PTPRQ: variants seen among roughly 807,000 people sequenced by gnomAD.
PTPRQ encodes protein tyrosine phosphatase receptor type Q.
A neutral mutation model predicts 246.0 loss-of-function variants in PTPRQ; 199 were observed. That is an observed-to-expected ratio of 0.81 (90% CI 0.72 to 0.91). The LOEUF is 0.91. Among genes scored for constraint, PTPRQ ranks in the 40% least tolerant of loss-of-function variants. The pLI is 0.00. For missense variants in PTPRQ, 2,624 were observed against 2,528.4 expected (o/e 1.04, Z -0.81); for synonymous variants, 869 against 853.2 (o/e 1.02, Z -0.32).
chr12:80,563,703 A>G (rs1896895300), intron 25 of PTPRQ, among the ~76,000 whole-genome samples: 2 of 152,058 alleles, frequency 1.3e-5, no homozygotes, highest in Admixed American at 1.3e-4. Flanking sequence ...CTCCCTACTA[A>G]GTCTCCACTG....
intron 25 of PTPRQ, among the ~76,000 whole-genome samples, chr12:80,559,502 T>A (rs1410440129): frequency 6.6e-6 from 1 of 152,244 alleles, no homozygotes; most frequent in Admixed American, 6.5e-5. Flanking sequence ...TCTCCTCCAT[T>A]GAATTGCTTT....
chr12:80,666,762 C>A (rs936500866), intron 39 of PTPRQ, among the ~76,000 whole-genome samples: 3 of 151,894 alleles, frequency 2.0e-5, no homozygotes, highest in Non-Finnish European at 2.9e-5. Flanking sequence ...CCTTTGGAGT[C>A]GTTATTGATT....
At chr12:80,575,700 G>T (rs1897261341) in intron 25 of PTPRQ, among the ~76,000 whole-genome samples, 1 of 151,760 alleles carries the variant, frequency 6.6e-6, no homozygotes, top group Non-Finnish European at 1.5e-5. Flanking sequence ...TTAGTCAGGT[G>T]TGGTGGCACA....
At chr12:80,655,143 A>G (rs569208813) in intron 38 of PTPRQ, among the ~76,000 whole-genome samples, 101 of 152,258 alleles carry the variant, frequency 6.6e-4, no homozygotes, top group Non-Finnish European at 1.2e-3. Context: ...AAACAATCTT[A>G]AAGTAATAAA....
At chr12:80,452,192 C>T (rs1195138404) in intron 3 of PTPRQ, among the ~76,000 whole-genome samples, 1 of 141,904 alleles carries the variant, frequency 7.0e-6, no homozygotes, top group Non-Finnish European at 1.5e-5. Flanking sequence ...GCAACCCCTG[C>T]CTTTGTTTGT....
intron 39 of PTPRQ, among the ~76,000 whole-genome samples, chr12:80,664,582 T>C (rs559679333): frequency 1.3e-5 from 2 of 152,194 alleles, no homozygotes; most frequent in South Asian, 4.1e-4. Context: ...TATCTTGATA[T>C]TATAGGTTTC....
chr12:80,446,629 G>A (rs1892562563), intron 3 of PTPRQ, among the ~76,000 whole-genome samples: 1 of 151,682 alleles, frequency 6.6e-6, no homozygotes, highest in South Asian at 2.1e-4. Flanking sequence ...TATTTCCATT[G>A]TTATGCCCAT....
At chr12:80,666,566 C>T (rs1049426371) in intron 39 of PTPRQ, among the ~76,000 whole-genome samples, 1 of 151,800 alleles carries the variant, frequency 6.6e-6, no homozygotes, top group Non-Finnish European at 1.5e-5. Flanking sequence ...ATTTGATGTT[C>T]CCAACATAAA....
At chr12:80,452,772 G>A (rs867386844) in intron 3 of PTPRQ, among the ~76,000 whole-genome samples, 7 of 152,112 alleles carry the variant, frequency 4.6e-5, no homozygotes, top group East Asian at 1.9e-4. Flanking sequence ...TGGGTAACCC[G>A]ACCTTTCTCT....
In PTPRQ at chr12:80,542,318, A is replaced by G; in HGVS notation, c.3675A>G (p.Lys1225=). The G allele has an allele frequency of 1.3e-6, 2 of 1,549,184 alleles. No individual in the cohort carries two copies. The highest frequency in any genetic ancestry group is 2.4e-5 in the South Asian group (2 of 83,310). ...TTTTTGCTGCCGCAAGAACTAGAAA[A>G]GGACTTGGTCCTTCCAGTATTCTTT... ...YSFFAAARTR[K]GLGPSSILFF... Residue 1225 remains lysine, a synonymous_variant, in exon 22 of 45, where the codon AAA becomes AAG. Transcript: ENST00000644991.
intron 27 of PTPRQ, among the ~76,000 whole-genome samples, chr12:80,608,221 T>C (rs1592711980): frequency 6.6e-6 from 1 of 150,576 alleles, no homozygotes; most frequent in Non-Finnish European, 1.5e-5. Context: ...AAGTAACACT[T>C]CAAAAATGAT....
chr12:80,583,508 G>T (rs370072418), intron 25 of PTPRQ, among the ~76,000 whole-genome samples: 1 of 152,046 alleles, frequency 6.6e-6, no homozygotes, highest in African/African-American at 2.4e-5. Context: ...AATAATGCAG[G>T]CTATACAAAC....
At chr12:80,646,737 G>A (rs73351601) in intron 35 of PTPRQ, among the ~76,000 whole-genome samples, 11 of 151,736 alleles carry the variant, frequency 7.2e-5, no homozygotes, top group East Asian at 1.9e-4. Context: ...ATAAATTTAC[G>A]ATGATGTATT....
At chr12:80,454,506 T>C (rs1892904603) in intron 3 of PTPRQ, 1 of 702,492 alleles carries the variant, frequency 1.4e-6, no homozygotes, top group Non-Finnish European at 2.6e-6. Flanking sequence ...AGTACTGTGT[T>C]CAATAGGATT....
At chr12:80,671,156 A>C (rs1185787998) in intron 42 of PTPRQ, among the ~76,000 whole-genome samples, 1 of 152,058 alleles carries the variant, frequency 6.6e-6, no homozygotes, top group Non-Finnish European at 1.5e-5. Context: ...ATTTTCCATA[A>C]ATTTCTGGAT....
intron 42 of PTPRQ, among the ~76,000 whole-genome samples, chr12:80,670,847 C>T (rs143527771): frequency 6.3e-4 from 96 of 152,032 alleles, no homozygotes; most frequent in African/African-American, 2.1e-3. Context: ...TGGGTACAGA[C>T]CTTCTATTTG....
intron 26 of PTPRQ, among the ~76,000 whole-genome samples, chr12:80,593,914 C>G (rs568919830): frequency 6.6e-6 from 1 of 151,612 alleles, no homozygotes; most frequent in Non-Finnish European, 1.5e-5. Context: ...CTATAGACCA[C>G]CAAGACTGGA....
intron 27 of PTPRQ, among the ~76,000 whole-genome samples, chr12:80,605,941 A>T (rs1481574098): frequency 1.3e-5 from 2 of 151,066 alleles, no homozygotes; most frequent in Non-Finnish European, 3.0e-5. Context: ...TCAGGCAAGG[A>T]GACAGGAAAC....
intron 14 of PTPRQ, among the ~76,000 whole-genome samples, chr12:80,498,949 G>A (rs1894711927): frequency 6.6e-6 from 1 of 151,778 alleles, no homozygotes; most frequent in Non-Finnish European, 1.5e-5. Context: ...TAATTCAAAG[G>A]CAGGGACAAT....
Sources: allele counts gnomAD v4.1 joint callset (sites outside exome capture counted in the v4.1 genomes callset), GRCh38; gene constraint gnomAD v4.1.1; transcripts MANE v1.5; gene names NCBI Gene and HGNC (gene_info 2026-07-23, HGNC 2026-07-21).